The following HSF5 variants were observed in gnomAD, a reference collection of about 807,000 sequenced individuals.
HSF5 encodes heat shock factor protein 5.
Under a neutral mutation model 50.8 loss-of-function variants are expected in HSF5, and 5 were observed. The observed-to-expected ratio is 0.10, with a 90% CI of 0.05 to 0.21. The LOEUF is 0.21. Ranked by LOEUF, HSF5 falls within the 10% of genes least tolerant of loss-of-function variation. The pLI, the probability that HSF5 is intolerant of heterozygous loss-of-function variation, is 1.00. For missense variants in HSF5, 564 were observed against 762.6 expected (o/e 0.74, Z 3.07); for synonymous variants, 307 against 307.4 (o/e 1.00, Z 0.02).
chr17:58,478,881 A>G (rs996854378), intron 2 of HSF5, among the ~76,000 whole-genome samples: 76 of 151,314 alleles, frequency 5.0e-4, no homozygotes, highest in Admixed American at 2.3e-3. Context: ...AAAAAAAAAA[A>G]AGAGAAGAAA....
intron 4 of HSF5, among the ~76,000 whole-genome samples, chr17:58,459,449 C>T (rs1291864378): frequency 6.6e-6 from 1 of 151,984 alleles, no homozygotes; most frequent in Non-Finnish European, 1.5e-5. Flanking sequence ...AGTTCTCGAC[C>T]AGCCTGGCCA....
chr17:58,487,683 A>T (rs1975206345), intron 1 of HSF5, 42 bp downstream of exon 1: 1 of 1,364,262 alleles, frequency 7.3e-7, no homozygotes, highest in Non-Finnish European at 9.4e-7. Context: ...CCCGCCGCCC[A>T]TGTGCCCACT....
intron 5 of HSF5, among the ~76,000 whole-genome samples, chr17:58,430,313 C>T (rs1974346511): frequency 6.6e-6 from 1 of 152,132 alleles, no homozygotes; most frequent in Non-Finnish European, 1.5e-5. Flanking sequence ...CTCAGATTAT[C>T]TACCCACCTC....
intron 5 of HSF5, among the ~76,000 whole-genome samples, chr17:58,451,959 A>AG (rs1481017955): frequency 1.3e-5 from 2 of 151,198 alleles, no homozygotes; most frequent in Admixed American, 1.3e-4. Flanking sequence ...AAAAAAAAAA[A>AG]AAAAAAAGGA....
intron 2 of HSF5, among the ~76,000 whole-genome samples, chr17:58,471,746 T>C (rs1173706047): frequency 6.6e-6 from 1 of 151,908 alleles, no homozygotes; most frequent in Admixed American, 6.6e-5. Context: ...CCACCATGCC[T>C]GGCCAGATAT....
At chr17:58,471,317 T>C (rs1213894204) in intron 2 of HSF5, among the ~76,000 whole-genome samples, 1 of 152,210 alleles carries the variant, frequency 6.6e-6, no homozygotes, top group African/African-American at 2.4e-5. Flanking sequence ...GCTAAGTGCC[T>C]CTTTTCCATA....
intron 5 of HSF5, among the ~76,000 whole-genome samples, chr17:58,444,782 A>G (rs1158859488): frequency 6.6e-6 from 1 of 152,234 alleles, no homozygotes; most frequent in Non-Finnish European, 1.5e-5. Context: ...AGGACAAAAT[A>G]GCATAAAAGG....
In HSF5 at chr17:58,422,232, A is replaced by T; in HGVS notation, c.*128T>A. The T allele has an allele frequency of 1.5e-6, 1 of 658,056 alleles. No homozygotes were observed. Among genetic ancestry groups the T allele is most frequent in the Non-Finnish European group, 2.6e-6 (1 of 382,002 alleles). The allele number at this position is 658,056 out of a possible 1,614,324, so 40.8% of individuals were successfully genotyped here. On this transcript the variant is annotated 3_prime_UTR_variant, in exon 6 of 6. Coordinates refer to ENST00000323777, the MANE Select transcript of HSF5 (RefSeq NM_001080439.3). ...CCAATTCTCAATTAACAAAATTCTC[A>T]ATTAACGAAACAAAAAATACTTTTT...
At chr17:58,449,939 C>A (rs1229126700) in intron 5 of HSF5, among the ~76,000 whole-genome samples, 3 of 142,198 alleles carry the variant, frequency 2.1e-5, no homozygotes, top group East Asian at 4.1e-4. Flanking sequence ...AGGAGAATGG[C>A]GTGAACCCGG....
intron 1 of HSF5, among the ~76,000 whole-genome samples, chr17:58,480,801 A>ATCTATCTATCTATCTG (rs1567919270): frequency 6.6e-6 from 1 of 151,256 alleles, no homozygotes; most frequent in African/African-American, 2.4e-5. Context: ...CTATCTATCT[A>ATCTATCTATCTATCTG]TCTAGCAACC....
intron 5 of HSF5, among the ~76,000 whole-genome samples, chr17:58,444,544 C>T (rs1225715705): frequency 6.6e-6 from 1 of 152,068 alleles, no homozygotes; most frequent in Non-Finnish European, 1.5e-5. Context: ...AACGCTTACA[C>T]CATATATGAA....
At chr17:58,449,782 G>A (rs1380249586) in intron 5 of HSF5, among the ~76,000 whole-genome samples, 3 of 151,770 alleles carry the variant, frequency 2.0e-5, no homozygotes, top group South Asian at 2.1e-4. Context: ...CCAGCACTTT[G>A]GGAGGCCGAG....
chr17:58,459,320 A>C (rs1974758767), intron 4 of HSF5, among the ~76,000 whole-genome samples: 1 of 152,002 alleles, frequency 6.6e-6, no homozygotes, highest in Admixed American at 6.6e-5. Context: ...CCTCCTGAGC[A>C]GCTAGGACTA....
rs1975011714 is a variant in HSF5, at chr17:58,476,342, C to T, written c.925+3551G>A. The T allele has an allele frequency of 6.3e-6, 7 of 1,109,038 alleles. No homozygotes were observed. The East Asian group carries it at 1.4e-4, about 22-fold the overall frequency. 68.7% of individuals were successfully genotyped at this position (1,109,038 alleles called of 1,614,324 possible). ...CCATCTTTGATGACCTCTCCTAACT[C>T]ATCAGTACCTGCATCAGAATGGTCA... On this transcript the variant is annotated intron_variant, in intron 2 of 5. Coordinates refer to ENST00000323777, the MANE Select transcript of HSF5 (RefSeq NM_001080439.3).
rs34246837 is a variant in HSF5, at chr17:58,477,116, C to CTT, written c.925+2775_925+2776dup. ...TATGGGCTAGGGATATATATATATA[C>CTT]TTTTTTTTTTTTTTTTTTTTTGAGA... is the stretch of plus-strand genomic sequence containing the variant. On this transcript the variant is annotated intron_variant, in intron 2 of 5. Coordinates refer to ENST00000323777, the MANE Select transcript of HSF5 (RefSeq NM_001080439.3). Among the ~76,000 whole-genome samples the CTT allele has an allele frequency of 7.2e-4, 96 of 133,758 alleles. 2 individuals are homozygous for CTT. The highest frequency in any genetic ancestry group is 2.3e-3 in the African/African-American group (75 of 33,232). The allele number at this position is 133,758 out of a possible 152,430, so 87.8% of individuals were successfully genotyped here. A position where few individuals can be genotyped will look rare whatever the true frequency, so the allele number is the denominator to read the frequency against.
At chr17:58,426,228 A>T (rs1974294878) in intron 5 of HSF5, among the ~76,000 whole-genome samples, 1 of 152,190 alleles carries the variant, frequency 6.6e-6, no homozygotes, top group African/African-American at 2.4e-5. Flanking sequence ...GAATTTTAAT[A>T]ATTGGGCTTT....
At chr17:58,443,543 C>T (rs917571572) in intron 5 of HSF5, among the ~76,000 whole-genome samples, 3 of 152,210 alleles carry the variant, frequency 2.0e-5, no homozygotes, top group African/African-American at 7.2e-5. Context: ...AACCCCATCC[C>T]TCAGTCTCAA....
chr17:58,443,059 C>G (rs904478977), intron 5 of HSF5, among the ~76,000 whole-genome samples: 1 of 152,098 alleles, frequency 6.6e-6, no homozygotes, highest in African/African-American at 2.4e-5. Context: ...AGGCGCCCAC[C>G]ACCACGCCCG....
intron 5 of HSF5, among the ~76,000 whole-genome samples, chr17:58,457,612 A>G (rs144579312): frequency 1.2e-4 from 18 of 152,372 alleles, no homozygotes; most frequent in Non-Finnish European, 2.2e-4. Flanking sequence ...AAATGAAAAA[A>G]TAAAACAAAT....
Sources: gnomAD v4.1 joint callset for allele counts (sites outside exome capture counted in the v4.1 genomes callset) on GRCh38, gnomAD v4.1.1 for gene constraint, MANE v1.5 for transcripts, NCBI Gene and HGNC (gene_info 2026-07-23, HGNC 2026-07-21) for gene names.